Variants in TMEM132E observed in about 807,000 individuals in gnomAD.
The protein encoded by TMEM132E is transmembrane protein 132E.
A neutral mutation model predicts 78.5 loss-of-function variants in TMEM132E; 49 were observed. The ratio of observed to expected loss-of-function variants is 0.62; its 90% CI spans 0.50 to 0.79. The LOEUF is 0.79. TMEM132E is among the 30% of genes least tolerant of loss of function. TMEM132E has a pLI of 0.00. For missense variants in TMEM132E, 1,403 were observed against 1,470.9 expected (o/e 0.95, Z 0.75); for synonymous variants, 715 against 670.6 (o/e 1.07, Z -1.02).
Position 34,611,055 on chromosome 17 carries a change from C to T in TMEM132E, c.68-15072C>T, listed in dbSNP as rs7502301. 4.0e-3 allele frequency among the ~76,000 whole-genome samples: 608 copies of T among 152,340 alleles called. 10 individuals carry two copies. Among genetic ancestry groups the T allele is most frequent in the Admixed American group, 0.029 (449 of 15,310 alleles). ...CACAACCTGTTTTTCAGGGTCTTAT[C>T]AGCCCATAGCCTCTAGTCATGTGAA... On this transcript the variant is annotated intron_variant, in intron 1 of 8. Coordinates refer to ENST00000631683, the MANE Select transcript of TMEM132E (RefSeq NM_001304438.2).
rs755975030 is a variant in TMEM132E, at chr17:34,636,153, C to T, written c.2124C>T (p.Ile708=). 2.5e-6 allele frequency: 4 copies of T among 1,569,580 alleles called. No individual in the cohort carries two copies. Among genetic ancestry groups the T allele is most frequent in the East Asian group, 2.4e-5 (1 of 41,016 alleles). Residue 708 remains isoleucine (I), a synonymous_variant, in exon 8 of 9, where the codon ATC becomes ATT. Transcript: ENST00000631683. The part of the protein sequence containing the change: ...LRPSPGSSHT[I]LATTAAQQTL... ...CCAGCCCTGGGAGCAGCCACACCAT[C>T]CTAGCCACCACAGCTGCCCAACAGA...
At chr17:34,635,336 G>T (rs1597693787) in intron 7 of TMEM132E, among the ~76,000 whole-genome samples, 1 of 152,164 alleles carries the variant, frequency 6.6e-6, no homozygotes, top group Non-Finnish European at 1.5e-5. Flanking sequence ...GAGAGCAGAG[G>T]GGGAGCAGGT....
At chr17:34,613,218 C>T (rs1480534594) in intron 1 of TMEM132E, among the ~76,000 whole-genome samples, 1 of 151,140 alleles carries the variant, frequency 6.6e-6, no homozygotes, top group Non-Finnish European at 1.5e-5. Context: ...CACACGCGCG[C>T]GCGCGCGCGT....
At chr17:34,597,015 G>C (rs745493682) in intron 1 of TMEM132E, among the ~76,000 whole-genome samples, 1 of 151,970 alleles carries the variant, frequency 6.6e-6, no homozygotes, top group Non-Finnish European at 1.5e-5. Flanking sequence ...AGCTAGGAAG[G>C]GGGAGCTATG....
chr17:34,597,852 G>A (rs1405257252), intron 1 of TMEM132E, among the ~76,000 whole-genome samples: 4 of 152,146 alleles, frequency 2.6e-5, no homozygotes, highest in African/African-American at 7.2e-5. Flanking sequence ...CCTGGTCACT[G>A]GGGGCTGAGA....
Position 34,638,382 on chromosome 17 carries a change from C to A in TMEM132E, c.*150C>A, listed in dbSNP as rs997580416. The A allele has an allele frequency of 3.5e-6, 3 of 848,078 alleles. No homozygotes were observed. Among genetic ancestry groups the A allele is most frequent in the Non-Finnish European group, 3.5e-6 (2 of 570,528 alleles). 52.5% of individuals were successfully genotyped at this position (848,078 alleles called of 1,614,324 possible). On this transcript the variant is annotated 3_prime_UTR_variant, in exon 9 of 9. Coordinates refer to ENST00000631683, the MANE Select transcript of TMEM132E (RefSeq NM_001304438.2). ...CAGCTTGGCTCCGTGCGGAGCGGGCCGCCTCAGTGTCTGGGCCTTCCCTCG... is the reference window on the plus strand; with the variant it reads ...CAGCTTGGCTCCGTGCGGAGCGGGCAGCCTCAGTGTCTGGGCCTTCCCTCG...
intron 1 of TMEM132E, among the ~76,000 whole-genome samples, chr17:34,585,851 G>A (rs1459663661): frequency 6.7e-6 from 1 of 149,314 alleles, no homozygotes; most frequent in Non-Finnish European, 1.5e-5. Context: ...AAGTCCAACT[G>A]GGGGGAATGA....
chr17:34,619,599 G>C (rs1906894430), intron 1 of TMEM132E, among the ~76,000 whole-genome samples: 2 of 150,018 alleles, frequency 1.3e-5, no homozygotes, highest in African/African-American at 4.9e-5. Context: ...AGCAATGTCA[G>C]CGTTATGCTG....
Position 34,632,917 on chromosome 17 carries a change from C to A in TMEM132E, c.1688+8C>A. 1 of 1,613,996 alleles carries A rather than the reference C, an allele frequency of 6.2e-7. No individual in the cohort carries two copies. The highest frequency in any genetic ancestry group is 8.5e-7 in the Non-Finnish European group (1 of 1,179,980). ...TATCCTCCCCGACCGGAGGTACAGC[C>A]CCTCTCCCATGGCGGATACTTGGGA... is the stretch of plus-strand genomic sequence containing the variant. On this transcript the variant is annotated splice_region_variant and intron_variant, in intron 6 of 8. Transcript: ENST00000631683.
At position 34,580,918 on chromosome 17, in the gene TMEM132E, C is replaced by A; in HGVS notation, c.-159C>A. The A allele has an allele frequency of 2.0e-6, 1 of 496,446 alleles. No individual in the cohort carries two copies. The highest frequency in any genetic ancestry group is 3.4e-5 in the East Asian group (1 of 29,002). 30.8% of individuals were successfully genotyped at this position (496,446 alleles called of 1,614,324 possible). A position where few individuals can be genotyped will look rare whatever the true frequency, so the allele number is the denominator to read the frequency against. On this transcript the variant is annotated 5_prime_UTR_variant, in exon 1 of 9. Transcript: ENST00000631683. ...CCGCCAGCGCCTGGGACGCCCCCTCCCCGCAAAGTGTCCCCGAATTGCACT... is the reference window on the plus strand; with the variant it reads ...CCGCCAGCGCCTGGGACGCCCCCTCACCGCAAAGTGTCCCCGAATTGCACT...
In TMEM132E at chr17:34,594,609, G is replaced by A. The variant is rs183389375; in HGVS notation, c.67+13466G>A. ...TGTTTCATTCAGCACATGTTTTTTT[G>A]TTTGTTTGTTTTGTATTTTAGAGAC... On this transcript the variant is annotated intron_variant, in intron 1 of 8. Transcript: ENST00000631683. Among the ~76,000 whole-genome samples the A allele has an allele frequency of 5.8e-4, 89 of 152,138 alleles. 1 individual carries two copies. The highest frequency in any genetic ancestry group is 2.0e-3 in the African/African-American group (84 of 41,522).
intron 7 of TMEM132E, among the ~76,000 whole-genome samples, chr17:34,635,479 G>C (rs1280653772): frequency 6.6e-6 from 1 of 152,152 alleles, no homozygotes; most frequent in African/African-American, 2.4e-5. Context: ...AAACTGTTGT[G>C]ATCTGTGGGC....
rs183917216 is a variant in TMEM132E at position 34,634,311 on chromosome 17, C to T, written c.1689-488C>T. Among the ~76,000 whole-genome samples the T allele has an allele frequency of 1.1e-4, 17 of 152,270 alleles. No homozygotes were observed. In the East Asian group the frequency reaches 3.3e-3, roughly 29 times the overall value. ...TTGACTAAAAGCAGCAAGAGGAAACCAGGCCACGATTTCCACACCTTGCTT... is the reference window on the plus strand; with the variant it reads ...TTGACTAAAAGCAGCAAGAGGAAACTAGGCCACGATTTCCACACCTTGCTT... On this transcript the variant is annotated intron_variant, in intron 6 of 8. Coordinates refer to ENST00000631683, the MANE Select transcript of TMEM132E (RefSeq NM_001304438.2).
In TMEM132E at chr17:34,626,154, C is replaced by G; in HGVS notation, c.95C>G (p.Pro32Arg). 1 of 1,545,960 alleles carries G rather than the reference C, an allele frequency of 6.5e-7. No homozygotes were observed. Among genetic ancestry groups the G allele is most frequent in the Non-Finnish European group, 8.7e-7 (1 of 1,148,306 alleles). Residue 32 changes from proline to arginine, a missense_variant, in exon 2 of 9, where the codon CCC becomes CGC. Pro to Arg is a moderately radical substitution (Grantham distance 103, BLOSUM62 -2). Transcript: ENST00000631683. ...HASGRSHPASPSPPGPQASPV... is the reference protein window; with the variant it reads ...HASGRSHPASRSPPGPQASPV... ...TCTGGCCGCTCCCACCCGGCCAGCC[C>G]CAGCCCGCCGGGGCCGCAGGCCAGC...
chr17:34,615,812 G>T (rs1183801158), intron 1 of TMEM132E, among the ~76,000 whole-genome samples: 1 of 151,978 alleles, frequency 6.6e-6, no homozygotes, highest in Non-Finnish European at 1.5e-5. Flanking sequence ...TGACTCAGGA[G>T]GCCGTGTGGG....
intron 1 of TMEM132E, among the ~76,000 whole-genome samples, chr17:34,611,010 C>T (rs999793419): frequency 1.3e-5 from 2 of 152,208 alleles, no homozygotes; most frequent in East Asian, 1.9e-4. Flanking sequence ...TGGGTCCAGT[C>T]GGTCTTAGCC....
chr17:34,615,395 T>G (rs991608758), intron 1 of TMEM132E, among the ~76,000 whole-genome samples: 1 of 152,086 alleles, frequency 6.6e-6, no homozygotes, highest in Non-Finnish European at 1.5e-5. Context: ...GATGAGGAAG[T>G]CACACTGAGC....
intron 6 of TMEM132E, among the ~76,000 whole-genome samples, chr17:34,633,912 C>A (rs1050914668): frequency 6.6e-6 from 1 of 152,188 alleles, no homozygotes; most frequent in Non-Finnish European, 1.5e-5. Flanking sequence ...GGTTTAAGTC[C>A]TGCCTCTGCT....
chr17:34,628,804 G>A (rs1907246296), intron 3 of TMEM132E, 95 bp downstream of exon 3: 1 of 1,446,654 alleles, frequency 6.9e-7, no homozygotes. Flanking sequence ...GCTTGGGGAG[G>A]GCTGGGGCTC....
Sources: allele counts gnomAD v4.1 joint callset (sites outside exome capture counted in the v4.1 genomes callset), GRCh38; gene constraint gnomAD v4.1.1; transcripts MANE v1.5; gene names NCBI Gene and HGNC (gene_info 2026-07-23, HGNC 2026-07-21).